QTMAN: variants seen among roughly 807,000 people sequenced by gnomAD.
QTMAN encodes queuosine-tRNA mannosyltransferase.
the QTMAN span, among the ~76,000 whole-genome samples, chr2:144,098,647 G>A: frequency 9.9e-5 from 15 of 151,622 alleles, no homozygotes; most frequent in South Asian, 2.5e-3. Flanking sequence ...CCTGGGAGGC[G>A]GACGTTGCAG....
the QTMAN span, among the ~76,000 whole-genome samples, chr2:144,207,148 C>T: frequency 2.0e-5 from 3 of 151,914 alleles, no homozygotes; most frequent in African/African-American, 4.8e-5. Context: ...TTAGTGATAT[C>T]GGAATATAAA....
At chr2:144,315,147 A>G in the QTMAN span, among the ~76,000 whole-genome samples, 6 of 152,176 alleles carry the variant, frequency 3.9e-5, no homozygotes, top group Admixed American at 6.5e-5. Flanking sequence ...AGCCTCCCAA[A>G]GGGCTGAGAT....
chr2:144,220,239 G>C, the QTMAN span, among the ~76,000 whole-genome samples: 3 of 152,180 alleles, frequency 2.0e-5, no homozygotes, highest in Non-Finnish European at 4.4e-5. Context: ...AAGAAAAAGA[G>C]TCAGTCTGTT....
At chr2:143,948,903 T>C in the QTMAN span, among the ~76,000 whole-genome samples, 317 of 152,234 alleles carry the variant, frequency 2.1e-3, 4 homozygotes, top group African/African-American at 7.3e-3. Flanking sequence ...GTGAGAAGTA[T>C]GTGTCCAGTG....
At chr2:144,179,099 C>G in the QTMAN span, 2 of 338,424 alleles carry the variant, frequency 5.9e-6, no homozygotes, top group Non-Finnish European at 1.2e-5. Context: ...TTCAGATTAC[C>G]CTCAACTAGA....
the QTMAN span, among the ~76,000 whole-genome samples, chr2:144,203,150 AGTGTGTGTGTGT>A: frequency 7.2e-3 from 1,053 of 145,638 alleles, 11 homozygotes; most frequent in African/African-American, 0.023. Context: ...TACAATGAAG[AGTGTGTGTGTGT>A]GTGTGTGTGT....
chr2:144,043,167 G>A, the QTMAN span, among the ~76,000 whole-genome samples: 13 of 151,998 alleles, frequency 8.6e-5, no homozygotes, highest in Non-Finnish European at 1.6e-4. Flanking sequence ...GCAGTTTGGA[G>A]TAGTTAATTT....
chr2:143,970,573 G>A, the QTMAN span: 15 of 802,774 alleles, frequency 1.9e-5, no homozygotes, highest in Admixed American at 1.6e-4. Flanking sequence ...TCTAACAAAG[G>A]GAAACATGGA....
At chr2:143,957,323 G>C in the QTMAN span, 1 of 1,585,144 alleles carries the variant, frequency 6.3e-7, no homozygotes, top group East Asian at 2.2e-5. Flanking sequence ...ATGCCTTTTT[G>C]GCCTCTGAAA....
At chr2:144,269,003 G>A in the QTMAN span, among the ~76,000 whole-genome samples, 1 of 152,044 alleles carries the variant, frequency 6.6e-6, no homozygotes. Context: ...TGGCCAGGGT[G>A]GTCCCGATCT....
the QTMAN span, among the ~76,000 whole-genome samples, chr2:144,141,573 C>A: frequency 7.0e-6 from 1 of 142,104 alleles, no homozygotes; most frequent in Non-Finnish European, 1.5e-5. Context: ...ATATGCTTGA[C>A]AATGACTTCT....
the QTMAN span, among the ~76,000 whole-genome samples, chr2:144,274,376 T>C: frequency 6.6e-6 from 1 of 152,174 alleles, no homozygotes; most frequent in Non-Finnish European, 1.5e-5. Context: ...TCTAATGAGG[T>C]GATTCTTACT....
chr2:144,175,936 A>ATTAC, the QTMAN span, among the ~76,000 whole-genome samples: 1 of 152,186 alleles, frequency 6.6e-6, no homozygotes, highest in African/African-American at 2.4e-5. Context: ...AAGTGCTGAG[A>ATTAC]TTACAGGTGT....
At chr2:144,286,976 C>G in the QTMAN span, among the ~76,000 whole-genome samples, 1 of 152,144 alleles carries the variant, frequency 6.6e-6, no homozygotes. Context: ...CAATTTTCCC[C>G]TCTAGAAAAC....
At chr2:144,054,584 C>CA in the QTMAN span, among the ~76,000 whole-genome samples, 1 of 152,228 alleles carries the variant, frequency 6.6e-6, no homozygotes, top group East Asian at 1.9e-4. Context: ...GATTTAGTGT[C>CA]AAAAAGGAGT....
the QTMAN span, among the ~76,000 whole-genome samples, chr2:144,215,197 G>A: frequency 2.6e-5 from 4 of 151,288 alleles, no homozygotes; most frequent in Non-Finnish European, 5.9e-5. Context: ...AGCCATGATT[G>A]TGCTACTGTA....
the QTMAN span, among the ~76,000 whole-genome samples, chr2:144,089,379 C>T: frequency 7.9e-5 from 12 of 151,848 alleles, no homozygotes; most frequent in African/African-American, 1.9e-4. Flanking sequence ...TAAAGAAAGC[C>T]CTATGGAGAT....
chr2:144,271,412 T>A, the QTMAN span, among the ~76,000 whole-genome samples: 1 of 152,202 alleles, frequency 6.6e-6, no homozygotes, highest in Non-Finnish European at 1.5e-5. Context: ...TTCACCAGCA[T>A]ACAGAAGGAA....
At chr2:144,067,631 C>T in the QTMAN span, among the ~76,000 whole-genome samples, 7 of 152,108 alleles carry the variant, frequency 4.6e-5, no homozygotes, top group African/African-American at 1.4e-4. Flanking sequence ...TGCAAGGAAG[C>T]ATTAGGGAGC....
Sources: allele counts gnomAD v4.1 joint callset (sites outside exome capture counted in the v4.1 genomes callset), GRCh38; gene constraint gnomAD v4.1.1; transcripts MANE v1.5; gene names NCBI Gene and HGNC (gene_info 2026-07-23, HGNC 2026-07-21).